Variants in FBLN1 observed in about 807,000 individuals in gnomAD.
The protein encoded by FBLN1 is fibulin 1.
Under a neutral mutation model 89.7 loss-of-function variants are expected in FBLN1, and 34 were observed. The observed-to-expected ratio is 0.38, with a 90% CI of 0.29 to 0.50. The LOEUF (loss-of-function observed/expected upper bound fraction) is 0.50, where lower values mean the gene tolerates loss of function less well. Ranked by LOEUF, FBLN1 falls within the 20% of genes least tolerant of loss-of-function variation. The pLI is 0.92. For synonymous variants in FBLN1, 393 were observed against 391.3 expected (o/e 1.00, Z -0.05); for missense variants, 777 against 988.1 (o/e 0.79, Z 2.86).
At position 45,578,804 on chromosome 22, in the gene FBLN1, C is replaced by G. The variant is rs1253335629; in HGVS notation, c.1972+1696C>G. On this transcript the variant is annotated intron_variant, in intron 16 of 16. Coordinates refer to ENST00000327858, the MANE Select transcript of FBLN1 (RefSeq NM_006486.3). This position sits in a 1 kb window ranked among gnomAD's most constrained non-coding sequence, Gnocchi z 4.6. ...ACATGGGAGTTTGGAATCCTAGGAC[C>G]TTCTAGTTCACTCACTCATTCTTTC... is the stretch of plus-strand genomic sequence containing the variant. Among the ~76,000 whole-genome samples the G allele has an allele frequency of 3.2e-4, 49 of 152,224 alleles. No individual in the cohort carries two copies. Among genetic ancestry groups the G allele is most frequent in the Admixed American group, 3.2e-3 (49 of 15,292 alleles).
At chr22:45,512,386 G>T (rs564665029) in intron 1 of FBLN1, among the ~76,000 whole-genome samples, 1 of 152,050 alleles carries the variant, frequency 6.6e-6, no homozygotes, top group Non-Finnish European at 1.5e-5. Flanking sequence ...TGGAGTTGGC[G>T]TGGGGGATCT....
At chr22:45,595,349 G>C (rs774789448) in intron 16 of FBLN1, among the ~76,000 whole-genome samples, 5 of 152,172 alleles carry the variant, frequency 3.3e-5, no homozygotes, top group Non-Finnish European at 7.3e-5. Context: ...GTGTGCAGCC[G>C]TACAGTCTGT....
intron 1 of FBLN1, among the ~76,000 whole-genome samples, chr22:45,509,885 C>G (rs2088075008): frequency 6.6e-6 from 1 of 151,976 alleles, no homozygotes; most frequent in Non-Finnish European, 1.5e-5. Flanking sequence ...TGCTGTGGGG[C>G]AGGTGGGGTG....
rs548053659 is a variant in FBLN1 at position 45,577,161 on chromosome 22, G to A, written c.1972+53G>A. 121 of 1,602,468 alleles carry A rather than the reference G, an allele frequency of 7.6e-5. 3 individuals carry two copies. The South Asian group carries it at 8.8e-4, about 12-fold the overall frequency. ...CCAGGCACCCCTCCCCCTCCACCCC[G>A]AAACCCTCTCTGGCCCAGCCCAACT... On this transcript the variant is annotated intron_variant, in intron 16 of 16. Coordinates refer to ENST00000327858, the MANE Select transcript of FBLN1 (RefSeq NM_006486.3). The surrounding 1 kb of genome is among the most constrained non-coding windows in gnomAD (Gnocchi z 6.6).
At chr22:45,555,058 C>G (rs896735780) in intron 14 of FBLN1, among the ~76,000 whole-genome samples, 20 of 150,626 alleles carry the variant, frequency 1.3e-4, no homozygotes, top group African/African-American at 5.0e-4. Flanking sequence ...GTCCCCGTCT[C>G]CACCGCAGGA....
Position 45,543,499 on chromosome 22 carries a change from C to T in FBLN1, c.1294C>T (p.Leu432Phe). 1.2e-6 allele frequency: 2 copies of T among 1,613,882 alleles called. No homozygotes were observed. The highest frequency in any genetic ancestry group is 1.7e-6 in the Non-Finnish European group (2 of 1,179,984). The change falls in exon 11 of 17, where the codon CTC (leucine) becomes TTC (phenylalanine). Residue 432 changes from leucine to phenylalanine, a missense_variant. Transcript: ENST00000327858. The part of the protein sequence containing the change: ...YLCSCSVGFR[L>F]SVDGRSCEDI... ...CTGCAGCTGTTCCGTGGGCTTCCGG[C>T]TCTCTGTGGATGGCAGGTCATGTGA...
chr22:45,515,268 T>C (rs1466271769), intron 1 of FBLN1, among the ~76,000 whole-genome samples: 1 of 152,176 alleles, frequency 6.6e-6, no homozygotes, highest in African/African-American at 2.4e-5. Flanking sequence ...TGCTTGGCTC[T>C]TTGTGGACTC....
At chr22:45,541,788 T>A (rs1157837453) in intron 9 of FBLN1, among the ~76,000 whole-genome samples, 1 of 152,084 alleles carries the variant, frequency 6.6e-6, no homozygotes, top group African/African-American at 2.4e-5. Flanking sequence ...TCTCACGTCA[T>A]TCCCTCTGCC....
Position 45,580,511 on chromosome 22 carries a change from C to A in FBLN1, c.1972+3403C>A, listed in dbSNP as rs2089033466. On this transcript the variant is annotated intron_variant, in intron 16 of 16. Coordinates refer to ENST00000327858, the MANE Select transcript of FBLN1 (RefSeq NM_006486.3). The surrounding 1 kb of genome is among the most constrained non-coding windows in gnomAD (Gnocchi z 8.6). ...CTGTGATGACCAGGAGCCAGGGTTT[C>A]ATCATCGCCAGGACCCTGTGACACG... is the stretch of plus-strand genomic sequence containing the variant. 6.6e-6 allele frequency among the ~76,000 whole-genome samples: 1 copy of A among 152,198 alleles called. No homozygotes were observed. The highest frequency in any genetic ancestry group is 2.1e-4 in the South Asian group (1 of 4,836).
intron 12 of FBLN1, 36 bp downstream of exon 12, chr22:45,547,240 C>A: frequency 6.2e-7 from 1 of 1,611,144 alleles, no homozygotes; most frequent in Non-Finnish European, 8.5e-7. Flanking sequence ...GGGAAAGCAC[C>A]CCCTGGTCTT....
chr22:45,577,143 C>T lies in FBLN1; in HGVS notation c.1972+35C>T, dbSNP rs1416253884. ...TGGGAATATCAGCTCTATCCAGGCA[C>T]CCCTCCCCCTCCACCCCGAAACCCT... On this transcript the variant is annotated intron_variant, in intron 16 of 16. Coordinates refer to ENST00000327858, the MANE Select transcript of FBLN1 (RefSeq NM_006486.3). The surrounding 1 kb of genome is among the most constrained non-coding windows in gnomAD (Gnocchi z 6.6). 6.2e-7 allele frequency: 1 copy of T among 1,611,392 alleles called. No individual in the cohort carries two copies. The highest frequency in any genetic ancestry group is 8.5e-7 in the Non-Finnish European group (1 of 1,178,792).
rs566905289 is a variant in FBLN1, at chr22:45,550,995, A to G, written c.1697+380A>G. 2.1e-5 allele frequency: 7 copies of G among 335,272 alleles called. No homozygotes were observed. The highest frequency in any genetic ancestry group is 7.3e-5 in the East Asian group (1 of 13,726). The allele number at this position is 335,272 out of a possible 1,614,324, so 20.8% of individuals were successfully genotyped here. On this transcript the variant is annotated intron_variant, in intron 14 of 16. Coordinates refer to ENST00000327858, the MANE Select transcript of FBLN1 (RefSeq NM_006486.3). The surrounding 1 kb of genome is among the most constrained non-coding windows in gnomAD (Gnocchi z 8.4). ...CTCTGACTGAGATGCATAGGTAGCA[A>G]TGTCTCCATGTCAGCCCAAAGCCAG...
At chr22:45,596,760 AAT>A (rs1177359168) in intron 16 of FBLN1, among the ~76,000 whole-genome samples, 1 of 147,522 alleles carries the variant, frequency 6.8e-6, no homozygotes, top group Non-Finnish European at 1.5e-5. Context: ...TATATGAACA[AAT>A]ATGGATATTT....
chr22:45,552,735 C>T (rs2088720818), intron 14 of FBLN1, among the ~76,000 whole-genome samples: 1 of 152,148 alleles, frequency 6.6e-6, no homozygotes, highest in Non-Finnish European at 1.5e-5. Flanking sequence ...AACATCCCGG[C>T]GGCCGAGGGC....
At chr22:45,542,406 C>A in intron 10 of FBLN1, 123 bp downstream of exon 10, 3 of 1,346,492 alleles carry the variant, frequency 2.2e-6, no homozygotes, top group Non-Finnish European at 3.1e-6. Context: ...TGCAGGCAGA[C>A]CCTGAGAGAA....
At chr22:45,553,777 C>T (rs1208088364) in intron 14 of FBLN1, among the ~76,000 whole-genome samples, 3 of 152,136 alleles carry the variant, frequency 2.0e-5, no homozygotes, top group Non-Finnish European at 2.9e-5. Context: ...AGTGACCAGT[C>T]GCTGTGTGTG....
At chr22:45,592,895 CA>C (rs2089151354) in intron 16 of FBLN1, among the ~76,000 whole-genome samples, 1 of 152,180 alleles carries the variant, frequency 6.6e-6, no homozygotes, top group Admixed American at 6.5e-5. Flanking sequence ...AGTTAATTTC[CA>C]CTGGTATGAG....
At chr22:45,511,595 C>A (rs1042631679) in intron 1 of FBLN1, among the ~76,000 whole-genome samples, 2 of 151,896 alleles carry the variant, frequency 1.3e-5, no homozygotes, top group Admixed American at 1.3e-4. Flanking sequence ...TTCAGGTGCC[C>A]GCCACCATGC....
chr22:45,596,673 T>C (rs2089189192), intron 16 of FBLN1, among the ~76,000 whole-genome samples: 1 of 139,344 alleles, frequency 7.2e-6, no homozygotes, highest in African/African-American at 2.9e-5. Flanking sequence ...TATGTACATA[T>C]AGCAACATAA....
Sources: gnomAD v4.1 joint callset for allele counts (sites outside exome capture counted in the v4.1 genomes callset) on GRCh38, gnomAD v4.1.1 for gene constraint, Gnocchi (gnomAD v3.1) non-coding constraint, MANE v1.5 for transcripts, NCBI Gene and HGNC (gene_info 2026-07-23, HGNC 2026-07-21) for gene names.